CPAP: variants seen among roughly 807,000 people sequenced by gnomAD.
CPAP encodes the protein centrosome assembly and centriole elongation protein, also known as centrosomal P4.1-associated protein.
chr13:24,893,642 A>G, the CPAP span, among the ~76,000 whole-genome samples: 6 of 152,234 alleles, frequency 3.9e-5, no homozygotes, highest in South Asian at 2.1e-4. Context: ...TGAATGCTTA[A>G]AACAAGGTAA....
the CPAP span, among the ~76,000 whole-genome samples, chr13:24,923,924 G>C: frequency 4.1e-4 from 62 of 152,086 alleles, no homozygotes; most frequent in African/African-American, 1.4e-3. Context: ...TGCCTGCCGG[G>C]TTCACGCCAT....
chr13:24,888,834 A>G, the CPAP span, among the ~76,000 whole-genome samples: 1 of 152,216 alleles, frequency 6.6e-6, no homozygotes, highest in South Asian at 2.1e-4. Context: ...GTCATACAGT[A>G]TTGAAAGAAA....
chr13:24,933,816 C>T, the CPAP span, among the ~76,000 whole-genome samples: 2 of 152,170 alleles, frequency 1.3e-5, no homozygotes, highest in African/African-American at 2.4e-5. Flanking sequence ...CTTCCGCCTC[C>T]TGAGTTCAAG....
the CPAP span, among the ~76,000 whole-genome samples, chr13:24,886,980 A>G: frequency 6.6e-6 from 1 of 152,182 alleles, no homozygotes; most frequent in Non-Finnish European, 1.5e-5. Flanking sequence ...CTCCAGGTGC[A>G]AGCACACTGT....
the CPAP span, among the ~76,000 whole-genome samples, chr13:24,922,181 G>A: frequency 1.3e-5 from 2 of 152,170 alleles, no homozygotes; most frequent in Non-Finnish European, 2.9e-5. Flanking sequence ...AAAGTGCTAT[G>A]TAAACATTCT....
At chr13:24,912,712 C>A in the CPAP span, 3 of 1,614,122 alleles carry the variant, frequency 1.9e-6, no homozygotes, top group Non-Finnish European at 2.5e-6. Flanking sequence ...TACCTGTGGT[C>A]CCTTTTTAAT....
At chr13:24,928,436 T>A in the CPAP span, among the ~76,000 whole-genome samples, 1 of 152,110 alleles carries the variant, frequency 6.6e-6, no homozygotes, top group Non-Finnish European at 1.5e-5. Flanking sequence ...AGTAAAGAAG[T>A]TTCTTATTTT....
the CPAP span, chr13:24,884,584 G>C: frequency 3.6e-5 from 35 of 964,334 alleles, no homozygotes; most frequent in Non-Finnish European, 5.4e-5. Context: ...TCCCTCAAAA[G>C]ATCCTTTATT....
the CPAP span, among the ~76,000 whole-genome samples, chr13:24,907,841 A>G: frequency 6.6e-6 from 1 of 152,224 alleles, no homozygotes; most frequent in South Asian, 2.1e-4. Flanking sequence ...AGCTTGACAT[A>G]TCTCCTCAAC....
the CPAP span, chr13:24,911,904 GAAATGTGCA>G: frequency 6.2e-7 from 1 of 1,612,842 alleles, no homozygotes; most frequent in Non-Finnish European, 8.5e-7. Context: ...CTACAGGTAA[GAAATGTGCA>G]TTATACTGAG....
At chr13:24,909,615 T>C in the CPAP span, among the ~76,000 whole-genome samples, 1 of 151,800 alleles carries the variant, frequency 6.6e-6, no homozygotes. Flanking sequence ...CCCAGCTACC[T>C]GAGAGGCTGA....
the CPAP span, among the ~76,000 whole-genome samples, chr13:24,921,792 G>T: frequency 6.6e-6 from 1 of 152,094 alleles, no homozygotes; most frequent in Non-Finnish European, 1.5e-5. Flanking sequence ...GCAGTCTTGG[G>T]ATGCAGCAGC....
At chr13:24,892,774 G>T in the CPAP span, 1 of 1,613,378 alleles carries the variant, frequency 6.2e-7, no homozygotes, top group Non-Finnish European at 8.5e-7. Flanking sequence ...ACTAACATTT[G>T]TATCTGGCTT....
At chr13:24,931,231 A>G in the CPAP span, among the ~76,000 whole-genome samples, 2 of 149,838 alleles carry the variant, frequency 1.3e-5, no homozygotes. Flanking sequence ...TAATTCCTGT[A>G]TCTGCACTTC....
chr13:24,882,953 A>G, the CPAP span: 8 of 546,084 alleles, frequency 1.5e-5, no homozygotes, highest in Non-Finnish European at 2.6e-5. Context: ...AAACAGTCAA[A>G]ATGCTTTCCT....
the CPAP span, chr13:24,892,604 C>T: frequency 1.4e-6 from 2 of 1,481,256 alleles, no homozygotes; most frequent in African/African-American, 1.4e-5. Context: ...TATTGAAGCT[C>T]CCCCTGGCCT....
At chr13:24,883,687 G>T in the CPAP span, among the ~76,000 whole-genome samples, 1 of 152,292 alleles carries the variant, frequency 6.6e-6, no homozygotes, top group South Asian at 2.1e-4. Flanking sequence ...CTGAGTGTTT[G>T]TTTGCTCTGT....
chr13:24,931,152 G>T, the CPAP span, among the ~76,000 whole-genome samples: 1 of 151,708 alleles, frequency 6.6e-6, no homozygotes, highest in Non-Finnish European at 1.5e-5. Context: ...GTTTCTTTCC[G>T]ATCTTTTTCT....
At chr13:24,932,109 A>G in the CPAP span, among the ~76,000 whole-genome samples, 1 of 152,180 alleles carries the variant, frequency 6.6e-6, no homozygotes, top group African/African-American at 2.4e-5. Flanking sequence ...CAGAACCGCA[A>G]TCCCCAAACT....
Sources: allele counts gnomAD v4.1 joint callset (sites outside exome capture counted in the v4.1 genomes callset), GRCh38; gene constraint gnomAD v4.1.1; transcripts MANE v1.5; gene names NCBI Gene and HGNC (gene_info 2026-07-23, HGNC 2026-07-21).